NLGN1: variants seen among roughly 807,000 people sequenced by gnomAD.
NLGN1 encodes the protein neuroligin 1.
In NLGN1, 12 loss-of-function variants were observed where a neutral mutation model predicts 65.5. That is an observed-to-expected ratio of 0.18 (90% confidence interval 0.12 to 0.30). The LOEUF is 0.30. Among genes scored for constraint, NLGN1 ranks in the 10% least tolerant of loss-of-function variants. The pLI, the probability that NLGN1 is intolerant of heterozygous loss-of-function variation, is 1.00. For missense variants in NLGN1, 750 were observed against 1,007.1 expected (o/e 0.74, Z 3.46); for synonymous variants, 350 against 359.5 (o/e 0.97, Z 0.30).
At chr3:174,103,714 T>C (rs1330056545) in intron 4 of NLGN1, among the ~76,000 whole-genome samples, 1 of 152,092 alleles carries the variant, frequency 6.6e-6, no homozygotes, top group Non-Finnish European at 1.5e-5. Flanking sequence ...TTATTACCTA[T>C]TAGAATCACA....
At chr3:173,529,288 A>G (rs543443129) in intron 2 of NLGN1, among the ~76,000 whole-genome samples, 5 of 152,140 alleles carry the variant, frequency 3.3e-5, no homozygotes, top group African/African-American at 9.7e-5. Flanking sequence ...AAGAGCCAGC[A>G]GCGCAAAAGC....
rs1417675495 is a variant in NLGN1, at chr3:174,280,676, T to C, written c.1845T>C (p.Asn615=). 2 of 1,613,222 alleles carry C rather than the reference T, an allele frequency of 1.2e-6. No homozygotes were observed. Among genetic ancestry groups the C allele is most frequent in the East Asian group, 2.2e-5 (1 of 44,818 alleles). ...TGGAGTTGGTACCTCATCTGCATAA[T>C]CTCAATGACATTTCTCAGTATACCT... is the stretch of plus-strand genomic sequence containing the variant. Residue 615 remains asparagine (N), a synonymous_variant, in exon 7 of 7, where the codon AAT becomes AAC. Coordinates refer to ENST00000457714, the Ensembl canonical transcript of NLGN1. The surrounding 1 kb of genome is among the most constrained non-coding windows in gnomAD (Gnocchi z 4.9).
intron 2 of NLGN1, among the ~76,000 whole-genome samples, chr3:173,489,037 G>C (rs992972492): frequency 5.4e-5 from 8 of 148,308 alleles, no homozygotes; most frequent in African/African-American, 2.0e-4. Context: ...TCAACCCCCT[G>C]TTCACTCCTT....
chr3:174,050,264 C>G (rs1734520779), intron 4 of NLGN1, among the ~76,000 whole-genome samples: 1 of 152,048 alleles, frequency 6.6e-6, no homozygotes, highest in South Asian at 2.1e-4. Flanking sequence ...TTGTAGGCTA[C>G]TATGGCATTG....
chr3:173,747,864 A>C (rs771043005), intron 3 of NLGN1, among the ~76,000 whole-genome samples: 18 of 110,234 alleles, frequency 1.6e-4, no homozygotes, highest in Non-Finnish European at 2.8e-4. Context: ...CCGAGTTTGG[A>C]GTGCAGTGGC....
chr3:174,096,174 G>A (rs936108552), intron 4 of NLGN1, among the ~76,000 whole-genome samples: 80 of 150,304 alleles, frequency 5.3e-4, no homozygotes, highest in African/African-American at 1.8e-3. Flanking sequence ...AATGTGATAT[G>A]TGTGTATAGA....
intron 1 of NLGN1, among the ~76,000 whole-genome samples, chr3:173,427,806 C>G (rs1175388695): frequency 1.3e-5 from 2 of 148,664 alleles, no homozygotes; most frequent in Non-Finnish European, 3.0e-5. Flanking sequence ...TTGAAATATT[C>G]TGTAAATATC....
At chr3:174,245,385 T>A (rs1179604515) in intron 4 of NLGN1, among the ~76,000 whole-genome samples, 1 of 152,186 alleles carries the variant, frequency 6.6e-6, no homozygotes, top group Non-Finnish European at 1.5e-5. Flanking sequence ...GAGTGAACTC[T>A]ACTGTGTATC....
intron 1 of NLGN1, among the ~76,000 whole-genome samples, chr3:173,410,658 G>C (rs1712339233): frequency 6.6e-6 from 1 of 152,188 alleles, no homozygotes; most frequent in African/African-American, 2.4e-5. Flanking sequence ...GGCTTGCTAG[G>C]GGTGAGTATT....
At chr3:173,942,761 A>G (rs1178511869) in intron 4 of NLGN1, among the ~76,000 whole-genome samples, 1 of 152,220 alleles carries the variant, frequency 6.6e-6, no homozygotes, top group Non-Finnish European at 1.5e-5. Flanking sequence ...GACTGACTAA[A>G]TCTTCCACTG....
intron 4 of NLGN1, among the ~76,000 whole-genome samples, chr3:173,860,059 C>T (rs534681862): frequency 1.3e-5 from 2 of 151,964 alleles, no homozygotes; most frequent in South Asian, 4.2e-4. Context: ...TTTTCCTTGT[C>T]ATTATCATTA....
chr3:173,852,355 C>CAAAAAA (rs71162367), intron 4 of NLGN1, among the ~76,000 whole-genome samples: 28 of 46,662 alleles, frequency 6.0e-4, no homozygotes, highest in East Asian at 1.9e-3. Flanking sequence ...GACTCCGTCT[C>CAAAAAA]AAAAAAAAAA....
chr3:173,624,329 T>A (rs1159759938), intron 3 of NLGN1, among the ~76,000 whole-genome samples: 1 of 152,168 alleles, frequency 6.6e-6, no homozygotes. Flanking sequence ...TTTCAAGAAT[T>A]CTAGTAAGGA....
rs181894318 is a variant in NLGN1, at chr3:173,495,975, C to T, written c.-321+60897C>T. Reference sequence around the variant, plus strand: ...TTTTTGAGAAATACTGGTGTGGTTCCGTGTCTCTGTAATTGACAATTTTCA... The same window carrying T: ...TTTTTGAGAAATACTGGTGTGGTTCTGTGTCTCTGTAATTGACAATTTTCA... On this transcript the variant is annotated intron_variant, in intron 2 of 6. Coordinates refer to ENST00000457714, the Ensembl canonical transcript of NLGN1. Among the ~76,000 whole-genome samples, 114 of 151,590 alleles carry T rather than the reference C, an allele frequency of 7.5e-4. 2 individuals are homozygous for T. Among genetic ancestry groups the T allele is most frequent in the Non-Finnish European group, 1.3e-3 (86 of 67,926 alleles).
intron 4 of NLGN1, among the ~76,000 whole-genome samples, chr3:174,259,903 C>A (rs1332301764): frequency 7.0e-6 from 1 of 142,756 alleles, no homozygotes; most frequent in Non-Finnish European, 1.5e-5. Context: ...TCTCATTCTT[C>A]AATTCCCACC....
intron 4 of NLGN1, among the ~76,000 whole-genome samples, chr3:174,114,531 C>G (rs1715939215): frequency 6.6e-6 from 1 of 152,134 alleles, no homozygotes; most frequent in African/African-American, 2.4e-5. Flanking sequence ...GGCTTTAAGT[C>G]TCAACCCAAT....
chr3:174,071,464 T>C (rs1056153951), intron 4 of NLGN1, among the ~76,000 whole-genome samples: 2 of 152,138 alleles, frequency 1.3e-5, no homozygotes, highest in South Asian at 2.1e-4. Flanking sequence ...GGTGGATCAC[T>C]TGAGTCCAGC....
intron 3 of NLGN1, among the ~76,000 whole-genome samples, chr3:173,638,633 A>G (rs1756957965): frequency 6.6e-6 from 1 of 152,174 alleles, no homozygotes; most frequent in South Asian, 2.1e-4. Flanking sequence ...ATTTGATGAG[A>G]TAGTATACAA....
At chr3:173,967,887 G>C (rs532527095) in intron 4 of NLGN1, among the ~76,000 whole-genome samples, 12 of 152,130 alleles carry the variant, frequency 7.9e-5, no homozygotes, top group Non-Finnish European at 1.6e-4. Flanking sequence ...GCCCTAGCAT[G>C]AAGTCTTCCC....
Sources: gnomAD v4.1 joint callset for allele counts (sites outside exome capture counted in the v4.1 genomes callset) on GRCh38, gnomAD v4.1.1 for gene constraint, Gnocchi (gnomAD v3.1) non-coding constraint, MANE v1.5 for transcripts, NCBI Gene and HGNC (gene_info 2026-07-23, HGNC 2026-07-21) for gene names.